The following NXPE1 variants were observed in gnomAD, a reference collection of about 807,000 sequenced individuals.
NXPE1 encodes the protein neurexophilin and PC-esterase domain family member 1.
NXPE1 carries 31 observed loss-of-function variants against 33.3 expected under a neutral mutation model. The observed-to-expected ratio is 0.93, with a 90% CI of 0.70 to 1.26. The LOEUF is 1.26. Among genes scored for constraint, NXPE1 ranks in the 50% most tolerant of loss-of-function variants. The probability of loss-of-function intolerance (pLI) is 0.00; values close to 1 mark genes in which losing one functional copy is unlikely to be tolerated. For synonymous variants in NXPE1, 229 were observed against 231.4 expected, an observed-to-expected ratio of 0.99 and a Z score of 0.09; for missense variants, 661 against 655.6, an observed-to-expected ratio of 1.01 and a Z score of -0.09.
intron 6 of NXPE1, chr11:114,529,433 G>A (rs182835930): frequency 2.0e-5 from 3 of 152,324 alleles, no homozygotes; most frequent in Admixed American, 2.0e-4. Flanking sequence ...TGGTTTTCAG[G>A]TTAGTGGATA....
chr11:114,533,291 T>C (rs1186617208), intron 5 of NXPE1, among the ~76,000 whole-genome samples: 1 of 152,014 alleles, frequency 6.6e-6, no homozygotes, highest in Admixed American at 6.6e-5. Context: ...TTATAGACAA[T>C]ACATTCGAGC....
chr11:114,522,418 C>G (rs1475235179), exon 9 of NXPE1: 1 of 1,613,804 alleles, frequency 6.2e-7, no homozygotes, highest in Non-Finnish European at 8.5e-7. Flanking sequence ...TATGTTTTTT[C>G]CATTGAATCT....
chr11:114,557,388 C>T (rs1461644645), intron 1 of NXPE1, among the ~76,000 whole-genome samples: 1 of 151,894 alleles, frequency 6.6e-6, no homozygotes, highest in African/African-American at 2.4e-5. Context: ...CCTTAGAAAA[C>T]TGTACTCCAT....
rs562986823 is a variant in NXPE1 at position 114,522,168 on chromosome 11, C to G, written c.1444G>C (p.Glu482Gln). The G allele has an allele frequency of 1.2e-5, 19 of 1,614,020 alleles. No homozygotes were observed. The Admixed American group carries it at 1.5e-4, about 13-fold the overall frequency. Residue 482 changes from glutamate to glutamine, a missense_variant, in exon 9 of 9, where the codon GAG becomes CAG. Coordinates refer to ENST00000534921, the Ensembl canonical transcript of NXPE1. ...AACCTCTCTGTCTCTATGTGCATCT[C>G]CCTGATGTTTTCTGTCTTAATAATC...
chr11:114,526,681 A>T (rs1301082784), intron 7 of NXPE1: 4 of 152,232 alleles, frequency 2.6e-5, no homozygotes, highest in African/African-American at 7.2e-5. Flanking sequence ...GAAGAAGTCC[A>T]TGATGACTTT....
At chr11:114,529,468 CTG>C (rs1325333098) in intron 6 of NXPE1, 1 of 152,216 alleles carries the variant, frequency 6.6e-6, no homozygotes, top group Non-Finnish European at 1.5e-5. Context: ...AAGTGAGCCT[CTG>C]TGAGTCGGGG....
In NXPE1 at chr11:114,540,623, G is replaced by A. The variant is rs1456173282; in HGVS notation, c.100-9715C>T. Reference sequence around the variant, plus strand: ...CTGTTTCAATATGACCAAGTAACTTGTGACTCTCTTTCAGATTGCAATGTT... The same window carrying A: ...CTGTTTCAATATGACCAAGTAACTTATGACTCTCTTTCAGATTGCAATGTT... On this transcript the variant is annotated intron_variant, in intron 5 of 8. Coordinates refer to ENST00000534921, the Ensembl canonical transcript of NXPE1. 2.0e-5 allele frequency among the ~76,000 whole-genome samples: 3 copies of A among 152,034 alleles called. No homozygotes were observed. In the South Asian group the frequency reaches 6.2e-4, roughly 32 times the overall value.
rs1054847995 is a variant in NXPE1 at position 114,523,911 on chromosome 11, T to C, written c.896-820A>G. Among the ~76,000 whole-genome samples the C allele has an allele frequency of 1.3e-5, 2 of 152,250 alleles. 1 individual carries two copies. The highest frequency in any genetic ancestry group is 6.3e-3 in the Middle Eastern group (2 of 316). On this transcript the variant is annotated intron_variant, in intron 7 of 8. Transcript: ENST00000534921. ...TGAGATAGGAAACCAGTTTGAATGC[T>C]GTAAGAAAGACCAAGATAATAATGA...
chr11:114,532,050 T>C (rs1351092635), intron 5 of NXPE1, among the ~76,000 whole-genome samples: 1 of 152,166 alleles, frequency 6.6e-6, no homozygotes, highest in African/African-American at 2.4e-5. Flanking sequence ...TTGAGAATGA[T>C]TACAGACCAG....
intron 1 of NXPE1, among the ~76,000 whole-genome samples, chr11:114,557,634 CATATATATATATATATAT>C (rs4019608): frequency 0.37 from 46,946 of 128,516 alleles, 8,513 homozygotes; most frequent in East Asian, 0.67. Context: ...ATATATAATA[CATATATATATATATATAT>C]ATATATATAT....
intron 5 of NXPE1, among the ~76,000 whole-genome samples, chr11:114,548,826 A>G (rs1242702335): frequency 1.3e-5 from 2 of 151,932 alleles, no homozygotes; most frequent in Non-Finnish European, 2.9e-5. Flanking sequence ...TAATGCATTA[A>G]AATACAGAAA....
At chr11:114,556,150 T>C (rs1460297594) in intron 1 of NXPE1, among the ~76,000 whole-genome samples, 4 of 152,228 alleles carry the variant, frequency 2.6e-5, no homozygotes, top group East Asian at 1.9e-4. Flanking sequence ...AGTAACAATA[T>C]TGAGTTTTCC....
downstream of NXPE1, among the ~76,000 whole-genome samples, chr11:114,519,767 T>C (rs563515967): frequency 5.8e-4 from 88 of 152,248 alleles, no homozygotes; most frequent in African/African-American, 2.0e-3. Context: ...TTTGTGTATG[T>C]ATCTTTTATT....
At position 114,529,967 on chromosome 11, in the gene NXPE1, T is replaced by C. The variant is rs190057610; in HGVS notation, c.833+208A>G. The C allele has an allele frequency of 1.1e-3, 560 of 531,172 alleles. 4 individuals are homozygous for C. The highest frequency in any genetic ancestry group is 1.0e-2 in the African/African-American group (529 of 53,048). The allele number at this position is 531,172 out of a possible 1,614,324, so 32.9% of individuals were successfully genotyped here. On this transcript the variant is annotated intron_variant, in intron 6 of 8. Coordinates refer to ENST00000534921, the Ensembl canonical transcript of NXPE1. ...CTGTGAACACATAGAAGAACGGTTA[T>C]AGCAAAACACATGACTGAATGGGAC...
intron 5 of NXPE1, 136 bp from the exon 6 acceptor site, chr11:114,531,044 A>G: frequency 1.1e-6 from 1 of 927,258 alleles, no homozygotes; most frequent in East Asian, 2.8e-5. Context: ...AATATTTGGT[A>G]ATAAAGTGGC....
chr11:114,528,102 G>A (rs1321945911), intron 6 of NXPE1, among the ~76,000 whole-genome samples: 4 of 152,152 alleles, frequency 2.6e-5, no homozygotes, highest in African/African-American at 9.7e-5. Context: ...AGCACCTGAA[G>A]TCCAAAGCAG....
chr11:114,550,927 A>G (rs915597205), intron 5 of NXPE1, among the ~76,000 whole-genome samples, 176 bp downstream of exon 5: 7 of 152,104 alleles, frequency 4.6e-5, no homozygotes, highest in Non-Finnish European at 7.4e-5. Context: ...GAAATGAAGA[A>G]ATAGAGGTTG....
chr11:114,536,080 G>A (rs4331139), intron 5 of NXPE1, among the ~76,000 whole-genome samples: 20,259 of 152,054 alleles, frequency 0.13, 1,468 homozygotes, highest in South Asian at 0.23. Context: ...ATAACAAACT[G>A]TCTCTCAGAC....
intron 5 of NXPE1, among the ~76,000 whole-genome samples, chr11:114,541,038 A>G (rs1948082544): frequency 6.6e-6 from 1 of 151,884 alleles, no homozygotes; most frequent in African/African-American, 2.4e-5. Flanking sequence ...CCTGTGGGGT[A>G]GACCCAAAGC....
Sources: allele counts gnomAD v4.1 joint callset (sites outside exome capture counted in the v4.1 genomes callset), GRCh38; gene constraint gnomAD v4.1.1; transcripts MANE v1.5; gene names NCBI Gene and HGNC (gene_info 2026-07-23, HGNC 2026-07-21).